NRG3: variants seen among roughly 807,000 people sequenced by gnomAD.
The protein encoded by NRG3 is pro-neuregulin-3, membrane-bound isoform.
A neutral mutation model predicts 66.9 loss-of-function variants in NRG3; 31 were observed. The observed-to-expected ratio is 0.46, with a 90% CI of 0.35 to 0.63. The LOEUF is 0.63. NRG3 is among the 20% of genes least tolerant of loss of function. The probability of loss-of-function intolerance (pLI) is 0.00; values close to 1 mark genes in which losing one functional copy is unlikely to be tolerated. For missense variants in NRG3, 910 were observed against 878.9 expected (o/e 1.04, Z -0.45); for synonymous variants, 393 against 359.4 (o/e 1.09, Z -1.06).
chr10:82,366,987 C>T (rs1435620668), intron 2 of NRG3, among the ~76,000 whole-genome samples: 1 of 152,110 alleles, frequency 6.6e-6, no homozygotes, highest in Non-Finnish European at 1.5e-5. Flanking sequence ...ATATGGAACC[C>T]AAGATAAGCA....
chr10:82,010,367 G>T (rs1289123533), intron 1 of NRG3, among the ~76,000 whole-genome samples: 1 of 152,154 alleles, frequency 6.6e-6, no homozygotes, highest in Admixed American at 6.6e-5. Context: ...AGGCATCTTT[G>T]TGAGAAAGTT....
At chr10:82,038,621 T>C (rs933675847) in intron 1 of NRG3, among the ~76,000 whole-genome samples, 1 of 152,118 alleles carries the variant, frequency 6.6e-6, no homozygotes, top group African/African-American at 2.4e-5. Context: ...ATGGAGTGAA[T>C]TTGATCTTTA....
In NRG3 at chr10:81,992,688, ACCT is replaced by A. The variant is rs552675420; in HGVS notation, c.823+116530_823+116532del. ...CTCTCCTTCAGAGGTCTCTCCTGTC[ACCT>A]CCTCTTTTTCTGTCTTCCCATTTAG... On this transcript the variant is annotated intron_variant, in intron 1 of 8. Coordinates refer to ENST00000372141, the MANE Select transcript of NRG3 (RefSeq NM_001010848.4). 7.6e-4 allele frequency among the ~76,000 whole-genome samples: 116 copies of A among 151,942 alleles called. 1 individual carries two copies. Among genetic ancestry groups the A allele is most frequent in the African/African-American group, 2.3e-3 (94 of 41,436 alleles).
chr10:82,620,413 G>A (rs1265020321), intron 2 of NRG3, among the ~76,000 whole-genome samples: 1 of 152,132 alleles, frequency 6.6e-6, no homozygotes, highest in East Asian at 1.9e-4. Flanking sequence ...GAGGGGAGCT[G>A]GAGAGGGGAT....
Position 82,757,937 on chromosome 10 carries a change from T to C in NRG3, c.1027+19287T>C, listed in dbSNP as rs140677858. Among the ~76,000 whole-genome samples, 801 of 152,198 alleles carry C rather than the reference T, an allele frequency of 5.3e-3. 8 individuals are homozygous for C. The highest frequency in any genetic ancestry group is 0.019 in the African/African-American group (774 of 41,558). On this transcript the variant is annotated intron_variant, in intron 3 of 8. Coordinates refer to ENST00000372141, the MANE Select transcript of NRG3 (RefSeq NM_001010848.4). Reference sequence around the variant, plus strand: ...GGCTTGATTTGGTCAGTGTCTTTGTTTTTAGAGCTCCAGATGGCTCCAAAA... The same window carrying C: ...GGCTTGATTTGGTCAGTGTCTTTGTCTTTAGAGCTCCAGATGGCTCCAAAA...
rs2060087144 is a variant in NRG3, at chr10:81,975,374, TATTCATCCATC to T, written c.823+99212_823+99222del. 2.9e-5 allele frequency among the ~76,000 whole-genome samples: 4 copies of T among 138,452 alleles called. No homozygotes were observed. The South Asian group carries it at 9.4e-4, about 33-fold the overall frequency. The allele number at this position is 138,452 out of a possible 152,430, so 90.8% of individuals were successfully genotyped here. Reference sequence around the variant, plus strand: ...CTATCTATCTATCTATCTATCTATCTATTCATCCATCCATCCATCCCATGGTAATGCATGAC... The same window carrying T: ...CTATCTATCTATCTATCTATCTATCTCATCCATCCCATGGTAATGCATGAC... On this transcript the variant is annotated intron_variant, in intron 1 of 8. Coordinates refer to ENST00000372141, the MANE Select transcript of NRG3 (RefSeq NM_001010848.4).
In NRG3 at chr10:82,084,528, A is replaced by G. The variant is rs142755820; in HGVS notation, c.823+208365A>G. 3.4e-3 allele frequency among the ~76,000 whole-genome samples: 498 copies of G among 148,386 alleles called. 7 individuals carry two copies. The highest frequency in any genetic ancestry group is 0.012 in the African/African-American group (485 of 40,252). On this transcript the variant is annotated intron_variant, in intron 1 of 8. Coordinates refer to ENST00000372141, the MANE Select transcript of NRG3 (RefSeq NM_001010848.4). Reference sequence around the variant, plus strand: ...TTTTTTTTTTTTTTTGCCATCATAGAGAACTCTACATGAATCAGGTTTCTG... The same window carrying G: ...TTTTTTTTTTTTTTTGCCATCATAGGGAACTCTACATGAATCAGGTTTCTG...
At chr10:82,198,521 C>A (rs1279671639) in intron 1 of NRG3, among the ~76,000 whole-genome samples, 1 of 152,094 alleles carries the variant, frequency 6.6e-6, no homozygotes, top group African/African-American at 2.4e-5. Flanking sequence ...GATTTAAAAA[C>A]CTTCAACTTC....
At position 82,679,123 on chromosome 10, in the gene NRG3, C is replaced by T. The variant is rs1451434098; in HGVS notation, c.954-59454C>T. The stretch of plus-strand genomic sequence containing the variant: ...ATAATTTGAAGGAGAACTGAAAGGA[C>T]TTGATGAGATGACCATTGTGCTGTC... On this transcript the variant is annotated intron_variant, in intron 2 of 8. Coordinates refer to ENST00000372141, the MANE Select transcript of NRG3 (RefSeq NM_001010848.4). 2.0e-5 allele frequency among the ~76,000 whole-genome samples: 3 copies of T among 152,162 alleles called. No individual in the cohort carries two copies. The East Asian group carries it at 5.8e-4, about 29-fold the overall frequency.
At chr10:82,328,857 T>A (rs1408652419) in intron 1 of NRG3, among the ~76,000 whole-genome samples, 1 of 152,200 alleles carries the variant, frequency 6.6e-6, no homozygotes, top group East Asian at 1.9e-4. Flanking sequence ...ATTTAAAGTT[T>A]TAATGTGTTT....
intron 2 of NRG3, among the ~76,000 whole-genome samples, chr10:82,570,819 C>A (rs2045685192): frequency 6.6e-6 from 1 of 151,576 alleles, no homozygotes; most frequent in Non-Finnish European, 1.5e-5. Flanking sequence ...TTTCTCAAAC[C>A]TTTCAGTATT....
At chr10:82,488,429 A>T (rs556400131) in intron 2 of NRG3, among the ~76,000 whole-genome samples, 16 of 152,180 alleles carry the variant, frequency 1.1e-4, no homozygotes, top group South Asian at 2.1e-4. Context: ...ATACAAAATA[A>T]CTTACTTTGA....
At chr10:82,358,705 C>T (rs753522838) in intron 1 of NRG3, 34 bp from the exon 2 acceptor site, 2 of 1,613,326 alleles carry the variant, frequency 1.2e-6, no homozygotes, top group African/African-American at 2.7e-5. Context: ...GAATGTACTG[C>T]TGACAGCGTT....
At chr10:82,754,818 G>A (rs973915910) in intron 3 of NRG3, among the ~76,000 whole-genome samples, 2 of 152,062 alleles carry the variant, frequency 1.3e-5, no homozygotes, top group Admixed American at 6.6e-5. Flanking sequence ...AACATTATGA[G>A]GGGTGACTCA....
chr10:81,944,595 G>C (rs933040824), intron 1 of NRG3, among the ~76,000 whole-genome samples: 1 of 152,178 alleles, frequency 6.6e-6, no homozygotes, highest in Non-Finnish European at 1.5e-5. Flanking sequence ...AGGTTAGTAA[G>C]TGTCAGGGAA....
intron 2 of NRG3, among the ~76,000 whole-genome samples, chr10:82,521,932 GT>G (rs1262257520): frequency 4.0e-5 from 6 of 151,186 alleles, no homozygotes; most frequent in Non-Finnish European, 8.8e-5. Context: ...ATCTGTTCAA[GT>G]TTTATCAATG....
At chr10:82,542,723 G>T (rs1009730842) in intron 2 of NRG3, among the ~76,000 whole-genome samples, 3 of 152,152 alleles carry the variant, frequency 2.0e-5, no homozygotes, top group Non-Finnish European at 4.4e-5. Context: ...AGGCATAAAA[G>T]CTGAATATAA....
At chr10:82,235,570 T>C (rs2076713380) in intron 1 of NRG3, among the ~76,000 whole-genome samples, 1 of 152,156 alleles carries the variant, frequency 6.6e-6, no homozygotes, top group Non-Finnish European at 1.5e-5. Context: ...CTCCCACTGC[T>C]CTTAAGGCCT....
chr10:81,888,438 A>G (rs115670830), intron 1 of NRG3, among the ~76,000 whole-genome samples: 1,608 of 152,310 alleles, frequency 0.011, 29 homozygotes, highest in African/African-American at 0.037. Context: ...ATAATTCATC[A>G]TCTGCATCTG....
Sources: gnomAD v4.1 joint callset for allele counts (sites outside exome capture counted in the v4.1 genomes callset) on GRCh38, gnomAD v4.1.1 for gene constraint, MANE v1.5 for transcripts, NCBI Gene and HGNC (gene_info 2026-07-23, HGNC 2026-07-21) for gene names.